Variants in PITPNC1 observed in about 807,000 individuals in gnomAD.
PITPNC1 encodes cytoplasmic phosphatidylinositol transfer protein 1.
Under a neutral mutation model 44.7 loss-of-function variants are expected in PITPNC1, and 18 were observed. That is an observed-to-expected ratio of 0.40 (90% CI 0.28 to 0.60). PITPNC1 has a LOEUF of 0.60. Among genes scored for constraint, PITPNC1 ranks in the 20% least tolerant of loss-of-function variants. The probability of loss-of-function intolerance (pLI) is 0.39; values close to 1 mark genes in which losing one functional copy is unlikely to be tolerated. For missense variants in PITPNC1, 290 were observed against 418.4 expected (o/e 0.69, Z 2.68); for synonymous variants, 141 against 149.6 (o/e 0.94, Z 0.42).
chr17:67,520,154 G>T (rs2040306995), intron 1 of PITPNC1, among the ~76,000 whole-genome samples: 1 of 152,138 alleles, frequency 6.6e-6, no homozygotes, highest in South Asian at 2.1e-4. Flanking sequence ...TTCATGAAGG[G>T]TTGATGGGTG....
chr17:67,529,790 T>C lies in PITPNC1; in HGVS notation c.49-3012T>C, dbSNP rs573853117. 2.0e-5 allele frequency among the ~76,000 whole-genome samples: 3 copies of C among 152,118 alleles called. 1 individual carries two copies. The highest frequency in any genetic ancestry group is 6.5e-5 in the Admixed American group (1 of 15,278). On this transcript the variant is annotated intron_variant, in intron 1 of 8. Coordinates refer to ENST00000581322, the MANE Select transcript of PITPNC1 (RefSeq NM_012417.4). ...GGTGAAACCCCGTCTCTACTAAAAA[T>C]ATAAAAATTAGTCGGGTCGTAGCGG...
Position 67,637,282 on chromosome 17 carries a change from A to G in PITPNC1, c.462+5044A>G, listed in dbSNP as rs1027474817. ...CATTAAGCAAGCAGTTGTGAATCAG[A>G]GTTCCTTTTTTTTTTTAATCGGAGG... On this transcript the variant is annotated intron_variant, in intron 6 of 8. Transcript: ENST00000581322. Among the ~76,000 whole-genome samples, 10 of 151,832 alleles carry G rather than the reference A, an allele frequency of 6.6e-5. No homozygotes were observed. In the South Asian group the frequency reaches 1.2e-3, roughly 19 times the overall value.
At chr17:67,533,747 C>T (rs2040493366) in intron 2 of PITPNC1, among the ~76,000 whole-genome samples, 1 of 152,230 alleles carries the variant, frequency 6.6e-6, no homozygotes, top group Admixed American at 6.5e-5. Context: ...CAAGTGGACC[C>T]ATCCTTCCCA....
intron 5 of PITPNC1, among the ~76,000 whole-genome samples, chr17:67,609,245 C>T (rs905876721): frequency 3.3e-5 from 5 of 149,266 alleles, no homozygotes; most frequent in Admixed American, 6.7e-5. Flanking sequence ...GAGCTGGTGT[C>T]GGAGGCCTGG....
chr17:67,514,808 A>C (rs1451030035), intron 1 of PITPNC1, among the ~76,000 whole-genome samples: 2 of 152,152 alleles, frequency 1.3e-5, no homozygotes. Flanking sequence ...CCTGGGTGAC[A>C]GAGCAAGACT....
intron 1 of PITPNC1, among the ~76,000 whole-genome samples, chr17:67,440,827 C>T (rs993392369): frequency 5.9e-5 from 9 of 152,002 alleles, no homozygotes; most frequent in East Asian, 1.9e-4. Flanking sequence ...GGATTACAGA[C>T]GTGAGCCATC....
intron 1 of PITPNC1, among the ~76,000 whole-genome samples, chr17:67,500,970 G>T (rs1053462507): frequency 6.6e-6 from 1 of 151,940 alleles, no homozygotes; most frequent in African/African-American, 2.4e-5. Flanking sequence ...AATTAAAGAC[G>T]TGAGCCACTG....
intron 1 of PITPNC1, among the ~76,000 whole-genome samples, chr17:67,407,656 G>T (rs2038419751): frequency 6.6e-6 from 1 of 151,870 alleles, no homozygotes; most frequent in Non-Finnish European, 1.5e-5. Context: ...TACAAGATTA[G>T]CTGGGTGCGT....
intron 1 of PITPNC1, chr17:67,379,505 A>T (rs1275047181): frequency 2.5e-6 from 1 of 395,866 alleles, no homozygotes; most frequent in Non-Finnish European, 3.4e-6. Flanking sequence ...CAGAATGAAC[A>T]ACCGAGTTTT....
Position 67,693,000 on chromosome 17 carries a change from G to T in PITPNC1, c.*112G>T, listed in dbSNP as rs776241483. ...CTTTGTCACTCAAACATGTTCCTTC[G>T]ACCTTTCAGTGTGCATGTGACTCAG... On this transcript the variant is annotated 3_prime_UTR_variant, in exon 9 of 9. Transcript: ENST00000581322. 4.3e-6 allele frequency: 3 copies of T among 700,772 alleles called. No homozygotes were observed. Among genetic ancestry groups the T allele is most frequent in the Non-Finnish European group, 7.3e-6 (3 of 413,240 alleles). The allele number at this position is 700,772 out of a possible 1,614,324, so 43.4% of individuals were successfully genotyped here.
intron 1 of PITPNC1, among the ~76,000 whole-genome samples, chr17:67,421,439 C>T (rs758995527): frequency 6.6e-6 from 1 of 152,084 alleles, no homozygotes; most frequent in Non-Finnish European, 1.5e-5. Flanking sequence ...CTCATCACCA[C>T]GCCTGGCTAA....
At chr17:67,427,365 C>T (rs887622905) in intron 1 of PITPNC1, among the ~76,000 whole-genome samples, 1 of 152,104 alleles carries the variant, frequency 6.6e-6, no homozygotes, top group African/African-American at 2.4e-5. Flanking sequence ...CGCCCGCAAC[C>T]ACGCCCGGCT....
chr17:67,505,819 TG>T (rs1350377258), intron 1 of PITPNC1, among the ~76,000 whole-genome samples: 1 of 152,198 alleles, frequency 6.6e-6, no homozygotes, highest in East Asian at 1.9e-4. Context: ...TCCTAGCCTT[TG>T]CATGTGTTAC....
chr17:67,468,682 T>C (rs1243516907), intron 1 of PITPNC1, among the ~76,000 whole-genome samples: 1 of 149,212 alleles, frequency 6.7e-6, no homozygotes, highest in East Asian at 2.0e-4. Context: ...GGATTACAGG[T>C]GTGAACCACC....
In PITPNC1 at chr17:67,583,897, T is replaced by TGTGTGTG. The variant is rs1568052082; in HGVS notation, c.366+5640_366+5641insGTGTGTG. Among the ~76,000 whole-genome samples, 395 of 106,376 alleles carry TGTGTGTG rather than the reference T, an allele frequency of 3.7e-3. 2 individuals carry two copies. Among genetic ancestry groups the TGTGTGTG allele is most frequent in the African/African-American group, 0.012 (337 of 29,186 alleles). The allele number at this position is 106,376 out of a possible 152,430, so 69.8% of individuals were successfully genotyped here. On this transcript the variant is annotated intron_variant, in intron 5 of 8. Coordinates refer to ENST00000581322, the MANE Select transcript of PITPNC1 (RefSeq NM_012417.4). ...TGTGTGTGTGTGTGTGTGTGTGTGTTTGTGTGTGTGTGTGTTTGTGTTTAG... is the reference window on the plus strand; with the variant it reads ...TGTGTGTGTGTGTGTGTGTGTGTGTTGTGTGTGTGTGTGTGTGTGTGTTTGTGTTTAG...
chr17:67,487,487 T>C (rs2039797043), intron 1 of PITPNC1, among the ~76,000 whole-genome samples: 1 of 152,210 alleles, frequency 6.6e-6, no homozygotes, highest in Admixed American at 6.5e-5. Context: ...CTTTTTGTTA[T>C]TGCTCAGATT....
intron 1 of PITPNC1, among the ~76,000 whole-genome samples, chr17:67,398,842 G>A (rs2038261420): frequency 6.6e-6 from 1 of 152,012 alleles, no homozygotes; most frequent in African/African-American, 2.4e-5. Context: ...TAGAGTAAGG[G>A]AAGACAACAC....
At chr17:67,457,217 C>G (rs1342659422) in intron 1 of PITPNC1, 2 of 152,174 alleles carry the variant, frequency 1.3e-5, no homozygotes, top group Non-Finnish European at 2.9e-5. Context: ...GCCCAGACCT[C>G]CTGAGCTGAA....
At chr17:67,438,313 CTT>C (rs1245707226) in intron 1 of PITPNC1, among the ~76,000 whole-genome samples, 8,489 of 130,350 alleles carry the variant, frequency 0.065, 602 homozygotes, top group African/African-American at 0.19. Flanking sequence ...TTCTAAGTGA[CTT>C]TTTTTTTTTT....
Sources: allele counts gnomAD v4.1 joint callset (sites outside exome capture counted in the v4.1 genomes callset), GRCh38; gene constraint gnomAD v4.1.1; transcripts MANE v1.5; gene names NCBI Gene and HGNC (gene_info 2026-07-23, HGNC 2026-07-21).